The following GPC6 variants were observed in gnomAD, a reference collection of about 807,000 sequenced individuals.
GPC6 encodes the protein glypican-6.
GPC6 carries 14 observed loss-of-function variants against 55.2 expected under a neutral mutation model. That is an observed-to-expected ratio of 0.25 (90% CI 0.17 to 0.40). GPC6 has a LOEUF of 0.40. GPC6 is among the 10% of genes least tolerant of loss of function. GPC6 has a pLI of 1.00. For synonymous variants in GPC6, 278 were observed against 259.6 expected, an observed-to-expected ratio of 1.07 and a Z score of -0.68; for missense variants, 641 against 708.5, an observed-to-expected ratio of 0.90 and a Z score of 1.08.
chr13:93,627,166 C>T (rs979446629), intron 2 of GPC6, among the ~76,000 whole-genome samples: 1 of 152,030 alleles, frequency 6.6e-6, no homozygotes, highest in Non-Finnish European at 1.5e-5. Flanking sequence ...CCCCCACCCC[C>T]CAATAGGCCC....
intron 3 of GPC6, among the ~76,000 whole-genome samples, chr13:93,893,216 C>T (rs897247687): frequency 5.3e-5 from 8 of 151,946 alleles, no homozygotes; most frequent in African/African-American, 9.7e-5. Context: ...CCTGCCACCA[C>T]GCGTGGCTAA....
At chr13:93,636,736 G>C (rs1183490305) in intron 2 of GPC6, among the ~76,000 whole-genome samples, 2 of 152,172 alleles carry the variant, frequency 1.3e-5, no homozygotes, top group African/African-American at 4.8e-5. Flanking sequence ...ACTCAGGGCA[G>C]TCCACCAGAA....
At chr13:93,564,452 T>C (rs1197102990) in intron 2 of GPC6, among the ~76,000 whole-genome samples, 1 of 152,140 alleles carries the variant, frequency 6.6e-6, no homozygotes, top group African/African-American at 2.4e-5. Flanking sequence ...ATATATGAAT[T>C]GAATTACCTA....
At chr13:93,377,660 T>C (rs1014198287) in intron 1 of GPC6, among the ~76,000 whole-genome samples, 4 of 152,202 alleles carry the variant, frequency 2.6e-5, no homozygotes, top group African/African-American at 4.8e-5. Context: ...TGACTTCAGT[T>C]TGGTTTGATG....
intron 1 of GPC6, among the ~76,000 whole-genome samples, chr13:93,383,273 G>A (rs180818266): frequency 1.3e-5 from 2 of 152,288 alleles, no homozygotes; most frequent in East Asian, 3.9e-4. Flanking sequence ...ATGCAGTGGT[G>A]CAAACATGGC....
At chr13:93,417,208 G>C (rs573500215) in intron 1 of GPC6, among the ~76,000 whole-genome samples, 1 of 152,102 alleles carries the variant, frequency 6.6e-6, no homozygotes, top group African/African-American at 2.4e-5. Flanking sequence ...CCAAGGACAT[G>C]TTTCACTTTC....
chr13:93,542,345 A>G lies in GPC6; in HGVS notation c.161-2918A>G, dbSNP rs1347822573. Among the ~76,000 whole-genome samples the G allele has an allele frequency of 3.9e-5, 6 of 152,126 alleles. No individual in the cohort carries two copies. The East Asian group carries it at 5.8e-4, about 15-fold the overall frequency. On this transcript the variant is annotated intron_variant, in intron 1 of 8. Coordinates refer to ENST00000377047, the MANE Select transcript of GPC6 (RefSeq NM_005708.5). ...GATCAGATAGTTGTAGATATGCGGC[A>G]TTATTTCTGAGGGCTCTGTTCTGTA...
chr13:94,354,317 T>A (rs532339007), intron 6 of GPC6, among the ~76,000 whole-genome samples: 1 of 151,882 alleles, frequency 6.6e-6, no homozygotes, highest in East Asian at 1.9e-4. Flanking sequence ...CTACCATGTG[T>A]TCAACACTCA....
intron 1 of GPC6, among the ~76,000 whole-genome samples, chr13:93,327,708 T>G (rs766486476): frequency 6.6e-6 from 1 of 152,012 alleles, no homozygotes; most frequent in Non-Finnish European, 1.5e-5. Flanking sequence ...TGTGAAAACA[T>G]TCTCATGTAG....
chr13:93,854,374 C>A (rs757360051), intron 3 of GPC6, among the ~76,000 whole-genome samples: 1 of 151,594 alleles, frequency 6.6e-6, no homozygotes, highest in Non-Finnish European at 1.5e-5. Context: ...TTAAAGATAA[C>A]CTTAAACCTC....
chr13:93,690,095 A>G (rs774117983), intron 2 of GPC6, among the ~76,000 whole-genome samples: 3 of 152,128 alleles, frequency 2.0e-5, no homozygotes, highest in Non-Finnish European at 4.4e-5. Flanking sequence ...TGCACTTTGA[A>G]TTAACCTTTT....
chr13:93,978,328 TATGCCACTGAAAA>T (rs940463449), intron 3 of GPC6, among the ~76,000 whole-genome samples: 1 of 152,188 alleles, frequency 6.6e-6, no homozygotes, highest in African/African-American at 2.4e-5. Context: ...TGTTTTGTTT[TATGCCACTGAAAA>T]ATGAATAGCC....
chr13:94,369,233 G>A (rs1448139879), intron 6 of GPC6, among the ~76,000 whole-genome samples: 1 of 152,156 alleles, frequency 6.6e-6, no homozygotes, highest in Non-Finnish European at 1.5e-5. Flanking sequence ...GAACAAATAG[G>A]GTATTGGGCC....
intron 5 of GPC6, among the ~76,000 whole-genome samples, chr13:94,300,916 G>C (rs982822320): frequency 4.6e-5 from 7 of 152,170 alleles, no homozygotes; most frequent in African/African-American, 1.7e-4. Flanking sequence ...GCAGAGGAGG[G>C]TGGAACAGCT....
intron 3 of GPC6, among the ~76,000 whole-genome samples, chr13:93,938,336 A>T (rs1232969638): frequency 2.0e-5 from 3 of 152,202 alleles, no homozygotes; most frequent in African/African-American, 4.8e-5. Flanking sequence ...AACTAGTTTG[A>T]TTTCAATTTA....
At chr13:93,597,007 CAA>C (rs10709473) in intron 2 of GPC6, among the ~76,000 whole-genome samples, 25 of 68,048 alleles carry the variant, frequency 3.7e-4, no homozygotes, top group East Asian at 1.0e-3. Flanking sequence ...TCAAATCTGG[CAA>C]AAAAAAAAAA....
chr13:93,576,380 G>T (rs1243161193), intron 2 of GPC6, among the ~76,000 whole-genome samples: 1 of 151,948 alleles, frequency 6.6e-6, no homozygotes, highest in African/African-American at 2.4e-5. Flanking sequence ...GGAATTATAA[G>T]AAATCAAACA....
At chr13:93,393,612 A>G (rs1875732237) in intron 1 of GPC6, among the ~76,000 whole-genome samples, 1 of 151,474 alleles carries the variant, frequency 6.6e-6, no homozygotes, top group African/African-American at 2.4e-5. Context: ...CTATTGCACA[A>G]ATAAGGACTT....
intron 2 of GPC6, among the ~76,000 whole-genome samples, chr13:93,584,549 A>G (rs559126072): frequency 1.3e-5 from 2 of 152,164 alleles, no homozygotes; most frequent in Non-Finnish European, 2.9e-5. Context: ...AAGTAGTTTT[A>G]TAGATATAGC....
Sources: allele counts gnomAD v4.1 joint callset (sites outside exome capture counted in the v4.1 genomes callset), GRCh38; gene constraint gnomAD v4.1.1; transcripts MANE v1.5; gene names NCBI Gene and HGNC (gene_info 2026-07-23, HGNC 2026-07-21).